The following CTNNA3 variants were observed in gnomAD, a reference collection of about 807,000 sequenced individuals.
The protein encoded by CTNNA3 is catenin alpha 3.
In CTNNA3, 76 loss-of-function variants were observed where a neutral mutation model predicts 95.7. The ratio of observed to expected loss-of-function variants is 0.79; its 90% confidence interval spans 0.66 to 0.96. The LOEUF (loss-of-function observed/expected upper bound fraction) is 0.96. CTNNA3 is among the 40% of genes least tolerant of loss of function. The pLI, the probability that CTNNA3 is intolerant of heterozygous loss-of-function variation, is 0.00. For synonymous variants in CTNNA3, 431 were observed against 374.4 expected (o/e 1.15, Z -1.74); for missense variants, 1,191 against 1,089.8 (o/e 1.09, Z -1.31).
At chr10:67,327,273 G>A (rs1841577876) in intron 5 of CTNNA3, among the ~76,000 whole-genome samples, 1 of 152,182 alleles carries the variant, frequency 6.6e-6, no homozygotes, top group African/African-American at 2.4e-5. Flanking sequence ...GAGAGGTGAT[G>A]TGGTCATTTG....
intron 9 of CTNNA3, among the ~76,000 whole-genome samples, chr10:66,763,828 C>CA: frequency 6.6e-6 from 1 of 152,152 alleles, no homozygotes; most frequent in East Asian, 1.9e-4. Context: ...ACAGCTAAGC[C>CA]CCCAACTGAC....
intron 7 of CTNNA3, among the ~76,000 whole-genome samples, chr10:66,863,180 T>TAC (rs71035194): frequency 0.14 from 20,369 of 147,736 alleles, 1,480 homozygotes; most frequent in East Asian, 0.22. Flanking sequence ...GCCAATTCTT[T>TAC]ACACACACAC....
At chr10:66,656,247 T>A (rs551037815) in intron 9 of CTNNA3, among the ~76,000 whole-genome samples, 1 of 152,202 alleles carries the variant, frequency 6.6e-6, no homozygotes, top group Admixed American at 6.5e-5. Flanking sequence ...ATTGAGGATA[T>A]TTTGCCTAAA....
At chr10:67,734,673 T>C (rs1841292707) in intron 1 of CTNNA3, among the ~76,000 whole-genome samples, 2 of 152,144 alleles carry the variant, frequency 1.3e-5, no homozygotes, top group Admixed American at 1.3e-4. Context: ...GAATATGAAC[T>C]GGGAAAACAT....
chr10:66,754,536 A>G (rs1473279651), intron 9 of CTNNA3, among the ~76,000 whole-genome samples: 1 of 152,162 alleles, frequency 6.6e-6, no homozygotes, highest in Non-Finnish European at 1.5e-5. Context: ...AAAATGTAAA[A>G]CCTTCATGCT....
At chr10:66,865,798 T>C (rs1429969045) in intron 7 of CTNNA3, among the ~76,000 whole-genome samples, 1 of 152,098 alleles carries the variant, frequency 6.6e-6, no homozygotes, top group African/African-American at 2.4e-5. Context: ...AATTTGACAG[T>C]GATTCTGCAT....
intron 10 of CTNNA3, among the ~76,000 whole-genome samples, chr10:66,567,976 A>G (rs555545496): frequency 3.3e-5 from 5 of 152,302 alleles, no homozygotes; most frequent in African/African-American, 1.2e-4. Flanking sequence ...CAACTACACT[A>G]AAATATAGAG....
chr10:66,158,263 C>T (rs546932421), intron 13 of CTNNA3, among the ~76,000 whole-genome samples: 7 of 151,952 alleles, frequency 4.6e-5, no homozygotes, highest in Non-Finnish European at 7.4e-5. Context: ...AGGGTTTTTC[C>T]GATGTTATCT....
chr10:66,736,255 G>A (rs1465281505), intron 9 of CTNNA3, among the ~76,000 whole-genome samples: 2 of 151,506 alleles, frequency 1.3e-5, no homozygotes, highest in African/African-American at 4.9e-5. Context: ...GTGCCATCTT[G>A]ACTCACTGCA....
At chr10:67,050,612 C>T (rs1029902744) in intron 7 of CTNNA3, among the ~76,000 whole-genome samples, 36 of 152,156 alleles carry the variant, frequency 2.4e-4, no homozygotes, top group Non-Finnish European at 4.3e-4. Flanking sequence ...TCTCTCTAGG[C>T]TCTTTGGTAC....
intron 5 of CTNNA3, among the ~76,000 whole-genome samples, chr10:67,227,269 T>C (rs1864971863): frequency 6.6e-6 from 1 of 152,030 alleles, no homozygotes; most frequent in Non-Finnish European, 1.5e-5. Flanking sequence ...TTTTGTATTT[T>C]TAGTAGAGCC....
chr10:67,293,322 C>G (rs1839908542), intron 5 of CTNNA3, among the ~76,000 whole-genome samples: 3 of 152,084 alleles, frequency 2.0e-5, no homozygotes, highest in Admixed American at 6.6e-5. Context: ...TGTGTCCATC[C>G]ATGAATGTCA....
At chr10:66,572,997 G>T (rs1842914126) in intron 10 of CTNNA3, among the ~76,000 whole-genome samples, 1 of 152,108 alleles carries the variant, frequency 6.6e-6, no homozygotes. Context: ...AAAATGGAAT[G>T]CTGGGGCTCT....
At chr10:66,470,589 C>A (rs4587626) in intron 11 of CTNNA3, among the ~76,000 whole-genome samples, 9,387 of 151,774 alleles carry the variant, frequency 0.062, 608 homozygotes, top group African/African-American at 0.16. Flanking sequence ...CTGAGGCATT[C>A]ATTGTATTAC....
intron 9 of CTNNA3, among the ~76,000 whole-genome samples, chr10:66,628,659 G>A (rs1845024647): frequency 6.6e-6 from 1 of 152,082 alleles, no homozygotes; most frequent in Non-Finnish European, 1.5e-5. Context: ...GTTCATAAAA[G>A]CTTGTGAAGA....
intron 11 of CTNNA3, among the ~76,000 whole-genome samples, chr10:66,459,252 A>G (rs1219648924): frequency 6.6e-6 from 1 of 152,192 alleles, no homozygotes. Context: ...AATACATACA[A>G]CATACAAAAT....
chr10:66,749,665 A>G (rs951203170), intron 9 of CTNNA3, among the ~76,000 whole-genome samples: 4 of 152,198 alleles, frequency 2.6e-5, no homozygotes, highest in Admixed American at 2.6e-4. Context: ...TAAAGCTTCT[A>G]TGAACATCCA....
At chr10:66,658,260 C>G (rs911653774) in intron 9 of CTNNA3, among the ~76,000 whole-genome samples, 1 of 151,852 alleles carries the variant, frequency 6.6e-6, no homozygotes, top group African/African-American at 2.4e-5. Context: ...CCCTCTCTCT[C>G]TCTGCATTCA....
rs186924005 is a variant in CTNNA3 at position 66,759,681 on chromosome 10, T to C, written c.1281+6583A>G. Among the ~76,000 whole-genome samples the C allele has an allele frequency of 3.3e-5, 5 of 152,344 alleles. No homozygotes were observed. In the East Asian group the frequency reaches 9.6e-4, roughly 29 times the overall value. On this transcript the variant is annotated intron_variant, in intron 9 of 17. Transcript: ENST00000433211. ...GCTCATTATCTACCTAGAACTGCAC[T>C]GTCTGATATCTGGCCACCAGCCATG... is the stretch of plus-strand genomic sequence containing the variant.
Sources: allele counts gnomAD v4.1 joint callset (sites outside exome capture counted in the v4.1 genomes callset), GRCh38; gene constraint gnomAD v4.1.1; transcripts MANE v1.5; gene names NCBI Gene and HGNC (gene_info 2026-07-23, HGNC 2026-07-21).